Variants in GALNT18 observed in about 807,000 individuals in gnomAD.
GALNT18 encodes the protein GalNAc-transferase 18.
GALNT18 carries 44 observed loss-of-function variants against 69.5 expected under a neutral mutation model. The observed-to-expected ratio is 0.63, with a 90% CI of 0.50 to 0.81. GALNT18 has a LOEUF of 0.81. GALNT18 is among the 40% of genes least tolerant of loss of function. The pLI, the probability that GALNT18 is intolerant of heterozygous loss-of-function variation, is 0.00. For synonymous variants in GALNT18, 364 were observed against 318.2 expected (o/e 1.14, Z -1.53); for missense variants, 715 against 810.0 (o/e 0.88, Z 1.42).
Position 11,377,302 on chromosome 11 carries a change from T to A in GALNT18, c.857A>T (p.Asp286Val). The change falls in exon 5 of 11, where the codon GAC becomes GTC. Residue 286 changes from aspartate to valine, a missense_variant. Coordinates refer to ENST00000227756, the MANE Select transcript of GALNT18 (RefSeq NM_198516.3). The surrounding 1 kb of genome is among the most constrained non-coding windows in gnomAD (Gnocchi z 4.6). ...CGGGTACTCTTCTATCTCAAAGTTGTCATATTTGATGTTATCAAAGGATGG... is the reference window on the plus strand; with the variant it reads ...CGGGTACTCTTCTATCTCAAAGTTGACATATTTGATGTTATCAAAGGATGG... ...ISPSFDNIKY[D>V]NFEIEEYPLA... The A allele has an allele frequency of 6.2e-7, 1 of 1,614,084 alleles. No homozygotes were observed. The highest frequency in any genetic ancestry group is 8.5e-7 in the Non-Finnish European group (1 of 1,179,988).
At chr11:11,516,820 G>A (rs1366650275) in intron 1 of GALNT18, among the ~76,000 whole-genome samples, 5 of 152,198 alleles carry the variant, frequency 3.3e-5, no homozygotes, top group African/African-American at 1.2e-4. Flanking sequence ...ACATATGGAT[G>A]TGCTAAAGCT....
At chr11:11,329,557 C>A (rs574642123) in intron 8 of GALNT18, among the ~76,000 whole-genome samples, 1 of 152,320 alleles carries the variant, frequency 6.6e-6, no homozygotes, top group South Asian at 2.1e-4. Flanking sequence ...CTTTCCCGAC[C>A]CAAGTCTGGT....
chr11:11,368,233 G>C (rs1170533424), intron 6 of GALNT18, among the ~76,000 whole-genome samples: 1 of 152,124 alleles, frequency 6.6e-6, no homozygotes, highest in Non-Finnish European at 1.5e-5. Context: ...ACTGCTGTAA[G>C]ATCTTTTATT....
intron 1 of GALNT18, among the ~76,000 whole-genome samples, chr11:11,534,754 A>G (rs754835076): frequency 2.6e-5 from 4 of 152,236 alleles, no homozygotes; most frequent in Non-Finnish European, 5.9e-5. Context: ...TTCTTGATAT[A>G]TTCTCCACGC....
intron 8 of GALNT18, among the ~76,000 whole-genome samples, chr11:11,329,267 A>G: frequency 6.6e-6 from 1 of 152,128 alleles, no homozygotes. Context: ...ACCTTCCTCA[A>G]AGCCATTCAG....
intron 1 of GALNT18, among the ~76,000 whole-genome samples, chr11:11,611,230 C>T (rs1220771061): frequency 2.0e-5 from 3 of 152,222 alleles, no homozygotes; most frequent in Admixed American, 6.5e-5. Context: ...AAATAAACAG[C>T]TGCTGATGTT....
chr11:11,442,909 C>A (rs1190306721), intron 2 of GALNT18, among the ~76,000 whole-genome samples: 1 of 152,210 alleles, frequency 6.6e-6, no homozygotes, highest in African/African-American at 2.4e-5. Context: ...GCTCAGGAGC[C>A]TCTGAAGATC....
Position 11,614,643 on chromosome 11 carries a change from G to A in GALNT18, c.235+6716C>T, listed in dbSNP as rs765523649. ...AATCCTATACGATGGTAATGAAGAC[G>A]CTCCAGTAACCCTGTTTGTGACTCT... is the stretch of plus-strand genomic sequence containing the variant. On this transcript the variant is annotated intron_variant, in intron 1 of 10. Coordinates refer to ENST00000227756, the MANE Select transcript of GALNT18 (RefSeq NM_198516.3). This position sits in a 1 kb window ranked among gnomAD's most constrained non-coding sequence, Gnocchi z 5.6. Among the ~76,000 whole-genome samples, 1 of 152,142 alleles carries A rather than the reference G, an allele frequency of 6.6e-6. No homozygotes were observed. Among genetic ancestry groups the A allele is most frequent in the South Asian group, 2.1e-4 (1 of 4,830 alleles).
intron 9 of GALNT18, among the ~76,000 whole-genome samples, chr11:11,301,676 T>A (rs1849497273): frequency 6.6e-6 from 1 of 152,082 alleles, no homozygotes; most frequent in Non-Finnish European, 1.5e-5. Flanking sequence ...ATCCCTCAGC[T>A]CTTTGGGGAG....
Position 11,601,364 on chromosome 11 carries a change from C to G in GALNT18, c.235+19995G>C, listed in dbSNP as rs1275828824. On this transcript the variant is annotated intron_variant, in intron 1 of 10. Transcript: ENST00000227756. This position sits in a 1 kb window ranked among gnomAD's most constrained non-coding sequence, Gnocchi z 4.0. ...CAGTGTGTAGTCTCTAATACTACTT[C>G]TTGAAGGTGAAACCTTAGGCATGTG... 6.6e-6 allele frequency among the ~76,000 whole-genome samples: 1 copy of G among 152,196 alleles called. No homozygotes were observed. Among genetic ancestry groups the G allele is most frequent in the Non-Finnish European group, 1.5e-5 (1 of 68,036 alleles).
chr11:11,344,793 G>A (rs531229066), intron 6 of GALNT18, among the ~76,000 whole-genome samples: 1 of 152,268 alleles, frequency 6.6e-6, no homozygotes, highest in East Asian at 1.9e-4. Flanking sequence ...AAGACACCCT[G>A]AACATGGGGA....
At chr11:11,568,262 A>G (rs1185463706) in intron 1 of GALNT18, among the ~76,000 whole-genome samples, 3 of 152,216 alleles carry the variant, frequency 2.0e-5, no homozygotes, top group African/African-American at 7.2e-5. Flanking sequence ...TTTGTTATGC[A>G]GCCAGACTTC....
chr11:11,498,298 A>G (rs1371894130), intron 1 of GALNT18, among the ~76,000 whole-genome samples: 1 of 152,242 alleles, frequency 6.6e-6, no homozygotes, highest in African/African-American at 2.4e-5. Flanking sequence ...TGTTAGTACA[A>G]TAACAAGCTC....
chr11:11,509,820 C>G (rs899862866), intron 1 of GALNT18, among the ~76,000 whole-genome samples: 9 of 152,372 alleles, frequency 5.9e-5, no homozygotes, highest in African/African-American at 2.2e-4. Flanking sequence ...ATGCGCTACT[C>G]CATCCTCTGT....
chr11:11,348,065 G>T (rs555122080), intron 6 of GALNT18, among the ~76,000 whole-genome samples: 2 of 118,500 alleles, frequency 1.7e-5, no homozygotes, highest in Non-Finnish European at 3.8e-5. Flanking sequence ...TTCTATCCTG[G>T]CTCTGCATGG....
Position 11,541,111 on chromosome 11 carries a change from C to T in GALNT18, c.235+80248G>A, listed in dbSNP as rs927635967. Among the ~76,000 whole-genome samples the T allele has an allele frequency of 3.3e-5, 5 of 152,196 alleles. No individual in the cohort carries two copies. The highest frequency in any genetic ancestry group is 1.3e-4 in the Admixed American group (2 of 15,284). ...CATCCACTTCTCAGACCATAGTGTT[C>T]CCCACTGGCTGAGATTAATGGGGAT... On this transcript the variant is annotated intron_variant, in intron 1 of 10. Transcript: ENST00000227756. This position sits in a 1 kb window ranked among gnomAD's most constrained non-coding sequence, Gnocchi z 4.8.
In GALNT18 at chr11:11,596,259, C is replaced by T. The variant is rs982386043; in HGVS notation, c.235+25100G>A. 2.0e-5 allele frequency among the ~76,000 whole-genome samples: 3 copies of T among 152,154 alleles called. No individual in the cohort carries two copies. The highest frequency in any genetic ancestry group is 2.9e-5 in the Non-Finnish European group (2 of 68,004). On this transcript the variant is annotated intron_variant, in intron 1 of 10. Transcript: ENST00000227756. The surrounding 1 kb of genome is among the most constrained non-coding windows in gnomAD (Gnocchi z 4.2). The stretch of plus-strand genomic sequence containing the variant: ...GTTGATCAGTGTGTCTGTCCTCATG[C>T]CTGTATCACACTGCCTTAATTACTG...
At chr11:11,521,660 G>T (rs111929785) in intron 1 of GALNT18, among the ~76,000 whole-genome samples, 2 of 152,084 alleles carry the variant, frequency 1.3e-5, no homozygotes, top group Non-Finnish European at 2.9e-5. Flanking sequence ...TTACAGTGGC[G>T]GGAGAACAAA....
chr11:11,594,848 T>TATACATACAC, intron 1 of GALNT18, among the ~76,000 whole-genome samples: 1 of 114,280 alleles, frequency 8.8e-6, no homozygotes, highest in East Asian at 2.6e-4. Context: ...TATACACATA[T>TATACATACAC]ACATACATAC....
Sources: allele counts gnomAD v4.1 joint callset (sites outside exome capture counted in the v4.1 genomes callset), GRCh38; gene constraint gnomAD v4.1.1; non-coding constraint Gnocchi (gnomAD v3.1); transcripts MANE v1.5; gene names NCBI Gene and HGNC (gene_info 2026-07-23, HGNC 2026-07-21).